The following KIAA1217 variants were observed in gnomAD, a reference collection of about 807,000 sequenced individuals.
KIAA1217 encodes sickle tail protein homolog.
A neutral mutation model predicts 163.9 loss-of-function variants in KIAA1217; 88 were observed. The ratio of observed to expected loss-of-function variants is 0.54; its 90% CI spans 0.45 to 0.64. The LOEUF (loss-of-function observed/expected upper bound fraction) is 0.64. Among genes scored for constraint, KIAA1217 ranks in the 30% least tolerant of loss-of-function variants. KIAA1217 has a pLI of 0.00. For missense variants in KIAA1217, 2,372 were observed against 2,475.0 expected (o/e 0.96, Z 0.88); for synonymous variants, 903 against 923.1 (o/e 0.98, Z 0.39).
rs962938588 is a variant in KIAA1217 at position 24,022,785 on chromosome 10, A to G, written c.-171+15411A>G. Reference sequence around the variant, plus strand: ...GGAATATTATGTAGTGATAAAAATCAAGCTATCAAGCCATGGAAAGACATG... The same window carrying G: ...GGAATATTATGTAGTGATAAAAATCGAGCTATCAAGCCATGGAAAGACATG... On this transcript the variant is annotated intron_variant, in intron 2 of 18. Coordinates refer to the KIAA1217 transcript ENST00000376462. 7.2e-5 allele frequency among the ~76,000 whole-genome samples: 11 copies of G among 151,842 alleles called. No homozygotes were observed. In the East Asian group the frequency reaches 1.9e-3, roughly 27 times the overall value.
At chr10:24,423,379 A>G (rs2131589821) in intron 3 of KIAA1217, among the ~76,000 whole-genome samples, 1 of 148,134 alleles carries the variant, frequency 6.8e-6, no homozygotes, top group South Asian at 2.1e-4. Context: ...CTGCCTTCTG[A>G]GTTCAAGTGA....
chr10:24,283,934 G>A (rs777325053), intron 2 of KIAA1217, among the ~76,000 whole-genome samples: 5 of 151,290 alleles, frequency 3.3e-5, no homozygotes, highest in Admixed American at 2.0e-4. Context: ...TTTTGAGACG[G>A]AGTCTCACTC....
At chr10:24,210,809 G>T (rs2366905) in intron 1 of KIAA1217, among the ~76,000 whole-genome samples, 2 of 151,434 alleles carry the variant, frequency 1.3e-5, no homozygotes, top group Non-Finnish European at 2.9e-5. Flanking sequence ...GTTTCAGGGG[G>T]TGGGGAGCTG....
chr10:24,524,682 C>G lies in KIAA1217; in HGVS notation c.2816C>G (p.Pro939Arg). The change falls in exon 13 of 21, where the codon CCC (proline) becomes CGC (arginine). Residue 939 changes from proline to arginine, a missense_variant. Pro to Arg is a moderately radical substitution (Grantham distance 103). Around this residue, in one of 3 missense-constraint regions of KIAA1217, gnomAD observed 1,431 missense variants for 1,470.3 expected, o/e 0.97. Transcript: ENST00000376454. ...MSQAPQSPQIPMNGSAMQSLF... is the reference protein window; with the variant it reads ...MSQAPQSPQIRMNGSAMQSLF... ...CAGGCTCCGCAGTCCCCACAGATACCCATGAATGGGTCTGCCATGCAGAGC... is the reference window on the plus strand; with the variant it reads ...CAGGCTCCGCAGTCCCCACAGATACGCATGAATGGGTCTGCCATGCAGAGC... 2 of 1,614,118 alleles carry G rather than the reference C, an allele frequency of 1.2e-6. No individual in the cohort carries two copies. The highest frequency in any genetic ancestry group is 1.1e-5 in the South Asian group (1 of 91,062).
rs2075773793 is a variant in KIAA1217 at position 24,547,701 on chromosome 10, C to T, written c.*1377C>T. On this transcript the variant is annotated 3_prime_UTR_variant, in exon 21 of 21. Transcript: ENST00000376454. ...GTGGCCTGTTGGCTCGCTTTCTTCT[C>T]TGTGGCTTATCAAGGTGTAGATGAC... The T allele has an allele frequency of 6.6e-6, 1 of 152,254 alleles. No homozygotes were observed. Among genetic ancestry groups the T allele is most frequent in the South Asian group, 2.1e-4 (1 of 4,814 alleles). The allele number at this position is 152,254 out of a possible 1,614,324, so 9.4% of individuals were successfully genotyped here.
rs1588819696 is a variant in KIAA1217, at chr10:23,790,352, T to TATGCAC, written c.-321+95120_-321+95121insGCACAT. Among the ~76,000 whole-genome samples, 16 of 37,078 alleles carry TATGCAC rather than the reference T, an allele frequency of 4.3e-4. 2 individuals are homozygous for TATGCAC. The highest frequency in any genetic ancestry group is 8.8e-4 in the Non-Finnish European group (16 of 18,152). 24.3% of individuals were successfully genotyped at this position (37,078 alleles called of 152,430 possible). On this transcript the variant is annotated intron_variant, in intron 1 of 18. Transcript: ENST00000376462. Reference sequence around the variant, plus strand: ...GCATATATGCATATATACATATGCATATATGCATATATACATATACATATG... The same window carrying TATGCAC: ...GCATATATGCATATATACATATGCATATGCACATATGCATATATACATATACATATG...
chr10:24,006,915 T>C (rs1847024440), intron 1 of KIAA1217, among the ~76,000 whole-genome samples: 1 of 152,162 alleles, frequency 6.6e-6, no homozygotes, highest in Non-Finnish European at 1.5e-5. Context: ...TTCATTTCCT[T>C]CCGCCCCCAA....
At chr10:23,718,808 G>C (rs1320293004) in intron 1 of KIAA1217, among the ~76,000 whole-genome samples, 1 of 151,172 alleles carries the variant, frequency 6.6e-6, no homozygotes, top group East Asian at 1.9e-4. Flanking sequence ...GTGTATTTGG[G>C]GCCATACAAC....
intron 1 of KIAA1217, among the ~76,000 whole-genome samples, chr10:23,916,516 T>A (rs943281416): frequency 7.2e-6 from 1 of 138,988 alleles, no homozygotes; most frequent in South Asian, 2.3e-4. Context: ...AGTCGCTTGC[T>A]TGTTTATTTA....
At chr10:23,934,526 A>G (rs1270161899) in intron 1 of KIAA1217, among the ~76,000 whole-genome samples, 1 of 138,046 alleles carries the variant, frequency 7.2e-6, no homozygotes, top group East Asian at 2.1e-4. Context: ...TTTAGAAGAA[A>G]TAAAGAAAAA....
intron 2 of KIAA1217, among the ~76,000 whole-genome samples, chr10:24,350,441 T>C (rs1276985610): frequency 6.6e-6 from 1 of 152,210 alleles, no homozygotes; most frequent in Non-Finnish European, 1.5e-5. Context: ...TATTGTGTTC[T>C]AGTTCTCAGA....
intron 2 of KIAA1217, among the ~76,000 whole-genome samples, chr10:24,141,153 C>A (rs1172218222): frequency 6.6e-6 from 1 of 151,616 alleles, no homozygotes. Flanking sequence ...AATAGAGACA[C>A]CCTAAGGAGA....
At chr10:24,390,457 AAAGG>A (rs2054708407) in intron 3 of KIAA1217, among the ~76,000 whole-genome samples, 1 of 103,384 alleles carries the variant, frequency 9.7e-6, no homozygotes, top group African/African-American at 5.2e-5. Context: ...ATGGGGGAAA[AAAGG>A]AGGGAGGGAG....
intron 1 of KIAA1217, among the ~76,000 whole-genome samples, chr10:23,803,557 C>T (rs2130962754): frequency 6.6e-6 from 1 of 152,320 alleles, no homozygotes; most frequent in Middle Eastern, 3.4e-3. Context: ...ATCCTGCTGT[C>T]CTCATGCCCC....
chr10:23,997,885 G>GC (rs1309356503), intron 1 of KIAA1217, among the ~76,000 whole-genome samples: 7 of 152,094 alleles, frequency 4.6e-5, no homozygotes, highest in Non-Finnish European at 1.0e-4. Context: ...TGGAAGAAGG[G>GC]CACAGCCATG....
At chr10:24,093,151 G>A (rs927468009) in intron 2 of KIAA1217, among the ~76,000 whole-genome samples, 1 of 151,214 alleles carries the variant, frequency 6.6e-6, no homozygotes, top group African/African-American at 2.5e-5. Context: ...GTGTCACCAT[G>A]CCCAGTTATT....
At chr10:23,884,673 G>A (rs1841096305) in intron 1 of KIAA1217, among the ~76,000 whole-genome samples, 1 of 151,938 alleles carries the variant, frequency 6.6e-6, no homozygotes, top group African/African-American at 2.4e-5. Context: ...ATGAAATTCA[G>A]GCACTATAAA....
At chr10:23,779,726 A>G (rs1835169827) in intron 1 of KIAA1217, among the ~76,000 whole-genome samples, 1 of 152,188 alleles carries the variant, frequency 6.6e-6, no homozygotes, top group Non-Finnish European at 1.5e-5. Context: ...CTTAATGTAC[A>G]TTGATGTGAA....
At chr10:24,489,197 T>C (rs537194166) in intron 6 of KIAA1217, among the ~76,000 whole-genome samples, 1 of 152,148 alleles carries the variant, frequency 6.6e-6, no homozygotes, top group African/African-American at 2.4e-5. Flanking sequence ...GCTATGATCA[T>C]TCGTGCTGTA....
Sources: allele counts gnomAD v4.1 joint callset (sites outside exome capture counted in the v4.1 genomes callset), GRCh38; gene constraint gnomAD v4.1.1; regional missense constraint gnomAD v4.1.1; transcripts MANE v1.5; gene names NCBI Gene and HGNC (gene_info 2026-07-23, HGNC 2026-07-21).